ANO3: variants seen among roughly 807,000 people sequenced by gnomAD.
ANO3 encodes anoctamin-3.
In ANO3, 99 loss-of-function variants were observed where a neutral mutation model predicts 144.8. That is an observed-to-expected ratio of 0.68 (90% CI 0.58 to 0.81). ANO3 has a LOEUF of 0.81. Ranked by LOEUF, ANO3 falls within the 30% of genes least tolerant of loss-of-function variation. The pLI, the probability that ANO3 is intolerant of heterozygous loss-of-function variation, is 0.00. For synonymous variants in ANO3, 414 were observed against 392.6 expected (o/e 1.05, Z -0.64); for missense variants, 905 against 1,202.2 (o/e 0.75, Z 3.66).
chr11:26,558,909 T>C (rs75403258), intron 13 of ANO3: 3 of 152,236 alleles, frequency 2.0e-5, no homozygotes, highest in African/African-American at 7.2e-5. Context: ...CCCTATTTTC[T>C]CTATCGTTTC....
chr11:26,572,341 G>T (rs918449696), intron 14 of ANO3: 9 of 689,620 alleles, frequency 1.3e-5, no homozygotes, highest in Non-Finnish European at 1.6e-5. Context: ...GATCGTTTTA[G>T]CTTTGGGACA....
At chr11:26,563,247 A>C in intron 14 of ANO3, 1 of 1,601,720 alleles carries the variant, frequency 6.2e-7, no homozygotes, top group Non-Finnish European at 8.5e-7. Context: ...CCCGAATACT[A>C]TTCCTGTATT....
At chr11:26,579,988 G>A (rs1189475709) in intron 14 of ANO3, among the ~76,000 whole-genome samples, 1 of 151,666 alleles carries the variant, frequency 6.6e-6, no homozygotes, top group Non-Finnish European at 1.5e-5. Flanking sequence ...TTCATGAGAA[G>A]AGATATACAA....
chr11:26,413,141 C>T (rs1024096405), intron 1 of ANO3, among the ~76,000 whole-genome samples: 1 of 151,830 alleles, frequency 6.6e-6, no homozygotes, highest in African/African-American at 2.4e-5. Context: ...CTATATTTAC[C>T]AGTAGTACTG....
In ANO3 at chr11:26,553,299, A is replaced by C; in HGVS notation, c.1340A>C (p.Lys447Thr). The C allele has an allele frequency of 6.2e-7, 1 of 1,613,008 alleles. No homozygotes were observed. The highest frequency in any genetic ancestry group is 1.1e-5 in the South Asian group (1 of 91,006). ...TEVFMCPLCDKNCSLQRLNDS... is the reference protein window; with the variant it reads ...TEVFMCPLCDTNCSLQRLNDS... Reference sequence around the variant, plus strand: ...GTCTTTATGTGCCCTCTCTGTGACAAGAACTGCTCCCTGCAGAGACTCAAC... The same window carrying C: ...GTCTTTATGTGCCCTCTCTGTGACACGAACTGCTCCCTGCAGAGACTCAAC... Residue 447 changes from lysine to threonine, a missense_variant, in exon 13 of 27, where the codon AAG becomes ACG. Lys to Thr is a moderately conservative substitution (Grantham distance 78). This residue lies in a region of ANO3 where 597 missense variants were observed against 865.1 expected (regional missense o/e 0.69). Transcript: ENST00000256737.
chr11:26,500,460 T>G (rs1314068462), intron 4 of ANO3, among the ~76,000 whole-genome samples: 3 of 152,120 alleles, frequency 2.0e-5, no homozygotes, highest in African/African-American at 7.2e-5. Flanking sequence ...TCGTCAATAC[T>G]TATTTTTTGT....
chr11:26,207,337 T>C (rs1851819727), intron 1 of ANO3, among the ~76,000 whole-genome samples: 1 of 152,204 alleles, frequency 6.6e-6, no homozygotes, highest in Non-Finnish European at 1.5e-5. Context: ...GTTTGCTTTT[T>C]AGAAGTCTGA....
At chr11:26,356,506 ATTG>A (rs1855788891) in intron 1 of ANO3, among the ~76,000 whole-genome samples, 1 of 152,144 alleles carries the variant, frequency 6.6e-6, no homozygotes. Flanking sequence ...TACAGTATAT[ATTG>A]TTTTTTATCC....
At chr11:26,658,665 C>G (rs1350702994) in intron 26 of ANO3, among the ~76,000 whole-genome samples, 3 of 152,106 alleles carry the variant, frequency 2.0e-5, no homozygotes. Flanking sequence ...CATATCCCTA[C>G]TAATTTAATT....
At chr11:26,609,504 G>A (rs1852032979) in intron 17 of ANO3, among the ~76,000 whole-genome samples, 1 of 151,446 alleles carries the variant, frequency 6.6e-6, no homozygotes, top group African/African-American at 2.4e-5. Context: ...CACATATCCT[G>A]CAGGTGCAGG....
At chr11:26,509,693 C>T (rs1469401509) in intron 5 of ANO3, among the ~76,000 whole-genome samples, 1 of 152,090 alleles carries the variant, frequency 6.6e-6, no homozygotes, top group African/African-American at 2.4e-5. Context: ...GATGAAATAT[C>T]TAGATAATTT....
chr11:26,623,922 G>A (rs529408667), intron 17 of ANO3, among the ~76,000 whole-genome samples: 1 of 152,052 alleles, frequency 6.6e-6, no homozygotes, highest in Non-Finnish European at 1.5e-5. Context: ...GAGTAGCTGG[G>A]ACTACAGGCG....
chr11:26,513,303 A>C (rs1476277159), intron 5 of ANO3, among the ~76,000 whole-genome samples: 1 of 152,166 alleles, frequency 6.6e-6, no homozygotes, highest in African/African-American at 2.4e-5. Context: ...GGTCATCCTG[A>C]CCCTTGTGAG....
chr11:26,307,553 T>C (rs1854411984), upstream of ANO3, among the ~76,000 whole-genome samples: 1 of 151,528 alleles, frequency 6.6e-6, no homozygotes, highest in Non-Finnish European at 1.5e-5. Context: ...TAAATGTCTC[T>C]ACTAAAACTG....
intron 1 of ANO3, among the ~76,000 whole-genome samples, chr11:26,264,973 G>A (rs1490050269): frequency 6.6e-6 from 1 of 151,896 alleles, no homozygotes; most frequent in Non-Finnish European, 1.5e-5. Context: ...TCTTTTGGAG[G>A]TAATATATAT....
intron 14 of ANO3, among the ~76,000 whole-genome samples, chr11:26,587,819 G>T (rs1476660728): frequency 6.6e-6 from 1 of 151,854 alleles, no homozygotes; most frequent in Non-Finnish European, 1.5e-5. Flanking sequence ...CAGTGGACAT[G>T]GTGGTGTGCA....
intron 4 of ANO3, among the ~76,000 whole-genome samples, chr11:26,492,353 T>A (rs1402024682): frequency 6.6e-6 from 1 of 152,204 alleles, no homozygotes; most frequent in Non-Finnish European, 1.5e-5. Context: ...ATGTTCCTAA[T>A]CCTATGGGTC....
intron 5 of ANO3, among the ~76,000 whole-genome samples, chr11:26,513,900 A>G (rs2134147758): frequency 6.6e-6 from 1 of 152,172 alleles, no homozygotes; most frequent in African/African-American, 2.4e-5. Flanking sequence ...GCCTCTGGGG[A>G]AAATGAGGAC....
chr11:26,191,335 TACACACAC>T (rs746463223), intron 1 of ANO3, among the ~76,000 whole-genome samples: 1 of 144,128 alleles, frequency 6.9e-6, no homozygotes, highest in Non-Finnish European at 1.5e-5. Context: ...TATACACACA[TACACACAC>T]ACACACACAC....
Sources: allele counts gnomAD v4.1 joint callset (sites outside exome capture counted in the v4.1 genomes callset), GRCh38; gene constraint gnomAD v4.1.1; regional missense constraint gnomAD v4.1.1; transcripts MANE v1.5; gene names NCBI Gene and HGNC (gene_info 2026-07-23, HGNC 2026-07-21).